Variants in NEK6 observed in about 807,000 individuals in gnomAD.
The protein encoded by NEK6 is NIMA related kinase 6.
In NEK6, 27 loss-of-function variants were observed where a neutral mutation model predicts 43.5. The observed-to-expected ratio is 0.62, with a 90% confidence interval of 0.46 to 0.86. The LOEUF (loss-of-function observed/expected upper bound fraction) is 0.86. NEK6 is among the 40% of genes least tolerant of loss of function. The pLI, the probability that NEK6 is intolerant of heterozygous loss-of-function variation, is 0.00. For synonymous variants in NEK6, 167 were observed against 164.1 expected (o/e 1.02, Z -0.14); for missense variants, 318 against 414.4 (o/e 0.77, Z 2.02).
rs144961609 is a variant in NEK6 at position 124,300,386 on chromosome 9, A to G, written c.-29-1550A>G. On this transcript the variant is annotated intron_variant, in intron 1 of 9. Coordinates refer to ENST00000320246, the MANE Select transcript of NEK6 (RefSeq NM_014397.6). Reference sequence around the variant, plus strand: ...CCACCTCCTGGAACACCCCCGTGTTAATGGGGGCGTGGGTCTACCTGGGAG... The same window carrying G: ...CCACCTCCTGGAACACCCCCGTGTTGATGGGGGCGTGGGTCTACCTGGGAG... 3.3e-3 allele frequency among the ~76,000 whole-genome samples: 506 copies of G among 152,086 alleles called. 2 individuals are homozygous for G. Among genetic ancestry groups the G allele is most frequent in the Non-Finnish European group, 5.3e-3 (361 of 67,974 alleles).
chr9:124,326,546 C>A lies in NEK6; in HGVS notation c.514+108C>A, dbSNP rs981892907. 9 of 782,394 alleles carry A rather than the reference C, an allele frequency of 1.2e-5. No individual in the cohort carries two copies. Among genetic ancestry groups the A allele is most frequent in the Admixed American group, 8.3e-5 (4 of 48,442 alleles). 48.5% of individuals were successfully genotyped at this position (782,394 alleles called of 1,614,324 possible). A position where few individuals can be genotyped will look rare whatever the true frequency, so the allele number is the denominator to read the frequency against. ...GGGCAGCCCCTTGAGGAAGTTGGACCGCTCTGTATTCCCCAGGCAAGGGGG... is the reference window on the plus strand; with the variant it reads ...GGGCAGCCCCTTGAGGAAGTTGGACAGCTCTGTATTCCCCAGGCAAGGGGG... On this transcript the variant is annotated intron_variant, in intron 6 of 9. Transcript: ENST00000320246. This position sits in a 1 kb window ranked among gnomAD's most constrained non-coding sequence, Gnocchi z 4.5.
chr9:124,257,943 G>C (rs1208301675), upstream of NEK6: 1 of 978,120 alleles, frequency 1.0e-6, no homozygotes, highest in East Asian at 1.2e-4. Context: ...GCGCGGGCCC[G>C]CGCAGGCGGT....
At chr9:124,288,077 C>T (rs1250225152) in intron 1 of NEK6, among the ~76,000 whole-genome samples, 2 of 152,248 alleles carry the variant, frequency 1.3e-5, no homozygotes, top group Non-Finnish European at 2.9e-5. Context: ...CTCTCTCGCC[C>T]TCCCAAAAGG....
intron 1 of NEK6, among the ~76,000 whole-genome samples, chr9:124,295,500 C>T (rs1832642605): frequency 6.6e-6 from 1 of 152,220 alleles, no homozygotes; most frequent in Non-Finnish European, 1.5e-5. Context: ...GTCATTTATT[C>T]ACACCCTCTT....
intron 1 of NEK6, among the ~76,000 whole-genome samples, chr9:124,273,512 C>T (rs888551923): frequency 3.9e-5 from 6 of 152,152 alleles, no homozygotes; most frequent in Admixed American, 6.5e-5. Context: ...CAGAGGGGCC[C>T]GTATCCACCC....
intron 1 of NEK6, among the ~76,000 whole-genome samples, chr9:124,281,747 C>A (rs1831923318): frequency 3.3e-5 from 5 of 152,194 alleles, no homozygotes; most frequent in Non-Finnish European, 7.3e-5. Flanking sequence ...GATCTGCCTA[C>A]CTCGGCCTCC....
rs140844194 is a variant in NEK6 at position 124,288,946 on chromosome 9, C to T, written c.-29-12990C>T. Among the ~76,000 whole-genome samples the T allele has an allele frequency of 6.6e-5, 10 of 152,182 alleles. No homozygotes were observed. The South Asian group carries it at 1.0e-3, about 16-fold the overall frequency. On this transcript the variant is annotated intron_variant, in intron 1 of 9. Coordinates refer to ENST00000320246, the MANE Select transcript of NEK6 (RefSeq NM_014397.6). Reference sequence around the variant, plus strand: ...AACGGCCCCTTCTGTGATTCAGCAACGCAGTTAAGTACATTGGGGTTTTTT... The same window carrying T: ...AACGGCCCCTTCTGTGATTCAGCAATGCAGTTAAGTACATTGGGGTTTTTT...
intron 2 of NEK6, among the ~76,000 whole-genome samples, chr9:124,306,547 G>A (rs1833264099): frequency 6.6e-6 from 1 of 152,146 alleles, no homozygotes; most frequent in African/African-American, 2.4e-5. Context: ...CTGACTCAGA[G>A]GAGTTGCTTA....
At chr9:124,258,277 G>T in intron 1 of NEK6, 192 bp downstream of exon 1, 1 of 984,952 alleles carries the variant, frequency 1.0e-6, no homozygotes, top group South Asian at 4.6e-5. Context: ...GGGCGGGCGG[G>T]GGCGGCGTGT....
At chr9:124,284,477 G>A (rs1832063885) in intron 1 of NEK6, among the ~76,000 whole-genome samples, 1 of 152,252 alleles carries the variant, frequency 6.6e-6, no homozygotes, top group African/African-American at 2.4e-5. Flanking sequence ...GAGCGTGGCA[G>A]CGACCACGCA....
At chr9:124,258,887 A>C (rs1036419161) in intron 1 of NEK6, among the ~76,000 whole-genome samples, 1 of 152,204 alleles carries the variant, frequency 6.6e-6, no homozygotes, top group African/African-American at 2.4e-5. Flanking sequence ...TCGGCCGGGC[A>C]CCCGAGGACG....
chr9:124,327,520 C>G, intron 7 of NEK6, 75 bp downstream of exon 7: 1 of 1,153,550 alleles, frequency 8.7e-7, no homozygotes, highest in Non-Finnish European at 1.3e-6. Flanking sequence ...AAACATTCTC[C>G]CCACGTGTGT....
intron 7 of NEK6, 46 bp downstream of exon 7, chr9:124,327,491 T>C (rs1834406078): frequency 6.8e-7 from 1 of 1,478,812 alleles, no homozygotes; most frequent in South Asian, 1.1e-5. Flanking sequence ...GCGGTCCTGG[T>C]GACCATGCAG....
In NEK6 at chr9:124,326,996, C is replaced by G. The variant is rs1179214140; in HGVS notation, c.515-342C>G. The stretch of plus-strand genomic sequence containing the variant: ...TGCTCCACTGAGCACTCCGTTCATT[C>G]ATTACGCAGATTTTCCCTGAGGGCC... On this transcript the variant is annotated intron_variant, in intron 6 of 9. Coordinates refer to ENST00000320246, the MANE Select transcript of NEK6 (RefSeq NM_014397.6). The surrounding 1 kb of genome is among the most constrained non-coding windows in gnomAD (Gnocchi z 4.5). Among the ~76,000 whole-genome samples, 1 of 152,176 alleles carries G rather than the reference C, an allele frequency of 6.6e-6. No individual in the cohort carries two copies. Among genetic ancestry groups the G allele is most frequent in the Non-Finnish European group, 1.5e-5 (1 of 68,018 alleles).
At chr9:124,340,579 C>A (rs962358648) in intron 8 of NEK6, among the ~76,000 whole-genome samples, 1 of 152,260 alleles carries the variant, frequency 6.6e-6, no homozygotes, top group African/African-American at 2.4e-5. Flanking sequence ...TCTGGAAACC[C>A]CCCCAGGCTG....
At chr9:124,323,657 G>A (rs1299338151) in intron 5 of NEK6, among the ~76,000 whole-genome samples, 6 of 152,114 alleles carry the variant, frequency 3.9e-5, no homozygotes, top group African/African-American at 1.4e-4. Context: ...GCAGATGGGG[G>A]GCTGGGGCTG....
intron 7 of NEK6, among the ~76,000 whole-genome samples, chr9:124,327,899 G>T (rs958726870): frequency 6.6e-6 from 1 of 152,210 alleles, no homozygotes; most frequent in Admixed American, 6.5e-5. Flanking sequence ...ATTGTAGCTG[G>T]ACCATAAAGG....
chr9:124,320,679 C>A (rs961685550), intron 4 of NEK6, among the ~76,000 whole-genome samples: 1 of 152,238 alleles, frequency 6.6e-6, no homozygotes, highest in Non-Finnish European at 1.5e-5. Flanking sequence ...GGGCACCGTT[C>A]TGTCCAGCTC....
chr9:124,327,556 CT>C, intron 7 of NEK6, 111 bp downstream of exon 7: 3 of 822,900 alleles, frequency 3.6e-6, no homozygotes, highest in Non-Finnish European at 6.1e-6. Flanking sequence ...AGGAAGATGC[CT>C]TTTTTAAGCC....
Sources: gnomAD v4.1 joint callset for allele counts (sites outside exome capture counted in the v4.1 genomes callset) on GRCh38, gnomAD v4.1.1 for gene constraint, Gnocchi (gnomAD v3.1) non-coding constraint, MANE v1.5 for transcripts, NCBI Gene and HGNC (gene_info 2026-07-23, HGNC 2026-07-21) for gene names.